ALKBH5: variants seen among roughly 807,000 people sequenced by gnomAD.
The protein encoded by ALKBH5 is RNA demethylase ALKBH5.
A neutral mutation model predicts 32.1 loss-of-function variants in ALKBH5; 2 were observed. The ratio of observed to expected loss-of-function variants is 0.06; its 90% CI spans 0.03 to 0.20. ALKBH5 has a LOEUF of 0.20. Ranked by LOEUF, ALKBH5 falls within the 10% of genes least tolerant of loss-of-function variation. ALKBH5 has a pLI of 1.00. For synonymous variants in ALKBH5, 300 were observed against 231.7 expected (o/e 1.29, Z -2.68); for missense variants, 352 against 559.5 (o/e 0.63, Z 3.74).
At position 18,184,342 on chromosome 17, in the gene ALKBH5, TGCCGCAGCCGCCGTAGCCGCCGCA is replaced by T. The variant is rs779550198; in HGVS notation, c.113_136del (p.Val38_Ala45del). The T allele has an allele frequency of 7.8e-5, 118 of 1,511,974 alleles. 2 individuals carry two copies. The highest frequency in any genetic ancestry group is 2.3e-4 in the East Asian group (9 of 38,698). 93.7% of individuals were successfully genotyped at this position (1,511,974 alleles called of 1,614,324 possible). ...CGGGCAGCCGGGAGGCCGCCGCCGC[TGCCGCAGCCGCCGTAGCCGCCGCA>T]GCCGCAGCCGCCGCTGCCGCCGAAC... On this transcript the variant is annotated inframe_deletion, in exon 1 of 4. Transcript: ENST00000399138.
Position 18,184,899 on chromosome 17 carries a change from C to T in ALKBH5, c.656C>T (p.Ser219Phe). The change falls in exon 1 of 4, where the codon TCC becomes TTC. Residue 219 changes from serine (S) to phenylalanine (F), a missense_variant. Ser to Phe is a radical substitution (Grantham distance 155). Coordinates refer to ENST00000399138, the MANE Select transcript of ALKBH5 (RefSeq NM_017758.4). ...HIFERPIVSVSFFSDSALCFG... is the reference protein window; with the variant it reads ...HIFERPIVSVFFFSDSALCFG... ...TTCGAGCGCCCCATCGTGTCCGTGT[C>T]CTTCTTTAGCGACTCTGCGCTGTGC... 1.2e-6 allele frequency: 2 copies of T among 1,614,242 alleles called. No homozygotes were observed. The highest frequency in any genetic ancestry group is 1.7e-6 in the Non-Finnish European group (2 of 1,180,040).
At chr17:18,185,580 G>A (rs1266931952) in intron 1 of ALKBH5, among the ~76,000 whole-genome samples, 4 of 152,130 alleles carry the variant, frequency 2.6e-5, no homozygotes, top group African/African-American at 7.2e-5. Flanking sequence ...GGCATACAGA[G>A]CAGCACACTC....
chr17:18,201,794 A>AGGATAGATTAGAT (rs1491101824), intron 2 of ALKBH5, among the ~76,000 whole-genome samples: 19 of 134,418 alleles, frequency 1.4e-4, no homozygotes, highest in Non-Finnish European at 8.2e-5. Flanking sequence ...TAGGATAGAT[A>AGGATAGATTAGAT]AGATAGATAG....
At chr17:18,197,684 AGTCTGCACC>A (rs1411969922) in intron 2 of ALKBH5, among the ~76,000 whole-genome samples, 1 of 152,184 alleles carries the variant, frequency 6.6e-6, no homozygotes, top group Non-Finnish European at 1.5e-5. Context: ...CACAGCTAGG[AGTCTGCACC>A]GTTAATCAGC....
intron 1 of ALKBH5, among the ~76,000 whole-genome samples, chr17:18,193,071 T>C (rs2047186652): frequency 6.6e-6 from 1 of 151,790 alleles, no homozygotes; most frequent in Non-Finnish European, 1.5e-5. Flanking sequence ...TCGGCCAGAC[T>C]GGTTACGAAC....
chr17:18,189,162 G>A (rs1055044299), intron 1 of ALKBH5, among the ~76,000 whole-genome samples: 1 of 152,192 alleles, frequency 6.6e-6, no homozygotes, highest in Non-Finnish European at 1.5e-5. Context: ...TGGATCACGA[G>A]GTCAGGACAT....
intron 2 of ALKBH5, among the ~76,000 whole-genome samples, chr17:18,203,820 G>A (rs953227881): frequency 6.6e-6 from 1 of 152,166 alleles, no homozygotes; most frequent in Non-Finnish European, 1.5e-5. Context: ...TTCTCCAGCT[G>A]TTATGAGATG....
chr17:18,190,827 C>G (rs1028860558), intron 1 of ALKBH5, among the ~76,000 whole-genome samples: 3 of 152,152 alleles, frequency 2.0e-5, no homozygotes, highest in African/African-American at 7.2e-5. Context: ...TAGGGGGAAC[C>G]CAGCCTGGGC....
At chr17:18,204,741 C>T (rs545079986) in intron 2 of ALKBH5, among the ~76,000 whole-genome samples, 12 of 151,946 alleles carry the variant, frequency 7.9e-5, no homozygotes, top group African/African-American at 2.9e-4. Context: ...GAAGGAGCCC[C>T]TGTCTCAAAA....
intron 2 of ALKBH5, among the ~76,000 whole-genome samples, chr17:18,195,516 G>A (rs1321645075): frequency 1.3e-5 from 2 of 152,200 alleles, no homozygotes; most frequent in African/African-American, 4.8e-5. Flanking sequence ...GCAGAATCAT[G>A]GCTTGTGGCT....
intron 1 of ALKBH5, among the ~76,000 whole-genome samples, chr17:18,193,938 T>A (rs528403145): frequency 6.6e-6 from 1 of 151,846 alleles, no homozygotes; most frequent in Admixed American, 6.6e-5. Flanking sequence ...GGAGTGGGAG[T>A]ATCTTGTGGC....
Position 18,184,354 on chromosome 17 carries a change from C to CGCAGCCGCA in ALKBH5, c.112_113insCAGCCGCAG (p.Ala35_Ala37dup). 1 of 1,517,722 alleles carries CGCAGCCGCA rather than the reference C, an allele frequency of 6.6e-7. No homozygotes were observed. The highest frequency in any genetic ancestry group is 8.8e-7 in the Non-Finnish European group (1 of 1,135,698). The allele number at this position is 1,517,722 out of a possible 1,614,324, so 94.0% of individuals were successfully genotyped here. Reference sequence around the variant, plus strand: ...AGGCCGCCGCCGCTGCCGCAGCCGCCGTAGCCGCCGCAGCCGCAGCCGCCG... The same window carrying CGCAGCCGCA: ...AGGCCGCCGCCGCTGCCGCAGCCGCCGCAGCCGCAGTAGCCGCCGCAGCCGCAGCCGCCG... On this transcript the variant is annotated inframe_insertion, in exon 1 of 4. Transcript: ENST00000399138.
At chr17:18,201,614 C>T (rs1402240153) in intron 2 of ALKBH5, among the ~76,000 whole-genome samples, 2 of 152,016 alleles carry the variant, frequency 1.3e-5, no homozygotes, top group East Asian at 1.9e-4. Context: ...AAAAATTAGC[C>T]GGGCGTGGTA....
intron 1 of ALKBH5, among the ~76,000 whole-genome samples, chr17:18,185,512 T>TC (rs1191005332): frequency 2.6e-5 from 4 of 152,204 alleles, no homozygotes; most frequent in Non-Finnish European, 5.9e-5. Flanking sequence ...AAGCACATTC[T>TC]CCATTCCCAG....
chr17:18,206,915 C>A lies in ALKBH5; in HGVS notation c.952C>A (p.Pro318Thr), dbSNP rs771007455. ...TCGCCTGTCAGGAAACAACAGGGAC[C>A]CTGCTCTGAAACCCAAGCGGTCCCA... ...SDRLSGNNRD[P>T]ALKPKRSHRK... is the part of the protein sequence containing the mutation. The change falls in exon 3 of 4, where the codon CCT becomes ACT. Residue 318 changes from proline to threonine, a missense_variant. Physicochemically the swap from Pro to Thr is conservative, Grantham distance 38 (BLOSUM62 -1). Around this residue, in one of 4 missense-constraint regions of ALKBH5, gnomAD observed 124 missense variants for 142.4 expected, o/e 0.87. Coordinates refer to ENST00000399138, the MANE Select transcript of ALKBH5 (RefSeq NM_017758.4). The A allele has an allele frequency of 6.2e-6, 10 of 1,614,128 alleles. No homozygotes were observed. In the African/African-American group the frequency reaches 6.7e-5, roughly 11 times the overall value.
chr17:18,188,436 G>A (rs1299014796), intron 1 of ALKBH5, among the ~76,000 whole-genome samples: 1 of 152,254 alleles, frequency 6.6e-6, no homozygotes, highest in African/African-American at 2.4e-5. Context: ...GGTATTGGGT[G>A]GAGTGGGCAC....
chr17:18,201,807 AGATAGATAGAT>A (rs2047240660), intron 2 of ALKBH5, among the ~76,000 whole-genome samples: 5 of 67,838 alleles, frequency 7.4e-5, no homozygotes, highest in African/African-American at 2.7e-4. Flanking sequence ...ATAGATAGAT[AGATAGATAGAT>A]AGATAGATAG....
chr17:18,191,510 A>G (rs374360962), intron 1 of ALKBH5, among the ~76,000 whole-genome samples: 4 of 152,208 alleles, frequency 2.6e-5, no homozygotes, highest in African/African-American at 4.8e-5. Context: ...AGCTTTGACA[A>G]ACATCTGGAT....
At chr17:18,191,949 TAAAAAAAA>T (rs553466001) in intron 1 of ALKBH5, among the ~76,000 whole-genome samples, 1 of 140,748 alleles carries the variant, frequency 7.1e-6, no homozygotes, top group Non-Finnish European at 1.5e-5. Context: ...ACTCTGTCTT[TAAAAAAAA>T]AAAAAAGTGC....
Sources: gnomAD v4.1 joint callset for allele counts (sites outside exome capture counted in the v4.1 genomes callset) on GRCh38, gnomAD v4.1.1 for gene constraint, gnomAD v4.1.1 regional missense constraint, MANE v1.5 for transcripts, NCBI Gene and HGNC (gene_info 2026-07-23, HGNC 2026-07-21) for gene names.